CASQ2: variants seen among roughly 807,000 people sequenced by gnomAD.
CASQ2 encodes the protein calsequestrin 2.
A neutral mutation model predicts 46.5 loss-of-function variants in CASQ2; 49 were observed. The observed-to-expected ratio is 1.05, with a 90% CI of 0.84 to 1.34. The LOEUF is 1.34. CASQ2 is among the 40% of genes most tolerant of loss of function. The pLI is 0.00. For missense variants in CASQ2, 486 were observed against 481.3 expected (o/e 1.01, Z -0.09); for synonymous variants, 174 against 168.5 (o/e 1.03, Z -0.25).
chr1:115,748,813 G>C (rs1648477162), intron 1 of CASQ2, among the ~76,000 whole-genome samples: 1 of 152,126 alleles, frequency 6.6e-6, no homozygotes, highest in Admixed American at 6.5e-5. Flanking sequence ...AGTCAGTAAT[G>C]ATGGTACCTA....
chr1:115,701,562 G>A, intron 10 of CASQ2, 136 bp from the exon 11 acceptor site: 1 of 713,144 alleles, frequency 1.4e-6, no homozygotes, highest in South Asian at 1.5e-5. Flanking sequence ...ATTGTTAAAT[G>A]GAAATGCCAA....
intron 2 of CASQ2, among the ~76,000 whole-genome samples, chr1:115,741,511 T>C (rs1309009295): frequency 4.6e-5 from 7 of 152,212 alleles, no homozygotes; most frequent in Admixed American, 1.3e-4. Flanking sequence ...GTCTTCACTA[T>C]CAAAGTGAGT....
intron 8 of CASQ2, among the ~76,000 whole-genome samples, chr1:115,706,954 A>G (rs1217863196): frequency 1.3e-5 from 2 of 152,126 alleles, no homozygotes; most frequent in South Asian, 2.1e-4. Flanking sequence ...CACTGTTGCT[A>G]GCTCACACTG....
chr1:115,703,365 G>C (rs1654269986), intron 9 of CASQ2, among the ~76,000 whole-genome samples: 1 of 152,136 alleles, frequency 6.6e-6, no homozygotes, highest in Non-Finnish European at 1.5e-5. Context: ...TGAGATAGCT[G>C]GGAAAGCCAT....
At chr1:115,727,166 C>T in intron 5 of CASQ2, 44 bp from the exon 6 acceptor site, 1 of 1,420,462 alleles carries the variant, frequency 7.0e-7, no homozygotes, top group African/African-American at 1.4e-5. Context: ...GAATACTAGT[C>T]TAGAATAGCA....
At chr1:115,738,699 C>A (rs1167682943) in intron 3 of CASQ2, among the ~76,000 whole-genome samples, 2 of 152,126 alleles carry the variant, frequency 1.3e-5, no homozygotes, top group African/African-American at 4.8e-5. Flanking sequence ...TCCATCACCT[C>A]AAATATTCAT....
chr1:115,763,957 A>G (rs966985128), intron 1 of CASQ2, among the ~76,000 whole-genome samples: 5 of 152,128 alleles, frequency 3.3e-5, no homozygotes, highest in Non-Finnish European at 5.9e-5. Flanking sequence ...TGTAATGCTA[A>G]TGGAAGTTGG....
At chr1:115,754,838 G>T (rs997092833) in intron 1 of CASQ2, among the ~76,000 whole-genome samples, 7 of 152,206 alleles carry the variant, frequency 4.6e-5, no homozygotes, top group African/African-American at 1.7e-4. Flanking sequence ...CGTAGTGAAA[G>T]TTCCCTACCA....
chr1:115,707,411 T>C (rs1283550430), intron 8 of CASQ2, among the ~76,000 whole-genome samples: 2 of 152,128 alleles, frequency 1.3e-5, no homozygotes, highest in Non-Finnish European at 2.9e-5. Flanking sequence ...CTCATAACCA[T>C]ATTGCAAATG....
At chr1:115,719,787 C>T (rs998414779) in intron 7 of CASQ2, among the ~76,000 whole-genome samples, 14 of 152,084 alleles carry the variant, frequency 9.2e-5, no homozygotes, top group African/African-American at 3.1e-4. Flanking sequence ...GGGCTGAGAA[C>T]CCCCGGGGCT....
chr1:115,708,012 T>C (rs1654414340), intron 8 of CASQ2, among the ~76,000 whole-genome samples: 1 of 152,172 alleles, frequency 6.6e-6, no homozygotes, highest in African/African-American at 2.4e-5. Context: ...TGTTTTCTTA[T>C]GGGAAAAACT....
intron 2 of CASQ2, among the ~76,000 whole-genome samples, chr1:115,744,328 C>G (rs1049683216): frequency 2.6e-5 from 4 of 152,160 alleles, no homozygotes; most frequent in African/African-American, 9.7e-5. Flanking sequence ...GTCCTCCCCT[C>G]TCATCCTTGG....
At chr1:115,765,294 T>C (rs1649099960) in intron 1 of CASQ2, among the ~76,000 whole-genome samples, 1 of 152,200 alleles carries the variant, frequency 6.6e-6, no homozygotes, top group African/African-American at 2.4e-5. Flanking sequence ...TTGAATGGTA[T>C]TTCAAGTGCC....
intron 7 of CASQ2, among the ~76,000 whole-genome samples, chr1:115,725,276 C>T (rs1035912528): frequency 6.6e-6 from 1 of 152,022 alleles, no homozygotes; most frequent in Non-Finnish European, 1.5e-5. Context: ...CTATGTTGCC[C>T]AGGCTGCTCT....
intron 4 of CASQ2, among the ~76,000 whole-genome samples, chr1:115,734,684 G>A (rs1052446522): frequency 6.6e-6 from 1 of 152,182 alleles, no homozygotes; most frequent in African/African-American, 2.4e-5. Flanking sequence ...TCTGGAATAG[G>A]CTCCTGAACA....
intron 1 of CASQ2, among the ~76,000 whole-genome samples, chr1:115,754,533 C>T (rs920609823): frequency 1.3e-5 from 2 of 152,156 alleles, no homozygotes; most frequent in African/African-American, 4.8e-5. Flanking sequence ...CTACAAAACC[C>T]TCATGAGGTA....
rs745879915 is a variant in CASQ2 at position 115,732,966 on chromosome 1, C to T, written c.541G>A (p.Ala181Thr). The T allele has an allele frequency of 5.6e-6, 9 of 1,612,454 alleles. No individual in the cohort carries two copies. Among genetic ancestry groups the T allele is most frequent in the Non-Finnish European group, 6.8e-6 (8 of 1,178,822 alleles). The change falls in exon 5 of 11, where the codon GCT becomes ACT. Residue 181 changes from alanine (A) to threonine (T), a missense_variant. Transcript: ENST00000261448. ...FKSEDSEYYK[A>T]FEEAAEHFQP... ...AAGTGTTCAGCTGCTTCTTCAAAAG[C>T]CTTGTAGTCTAAGGGGAAAAATAAA... is the stretch of plus-strand genomic sequence containing the variant.
At chr1:115,754,801 C>T (rs1262374106) in intron 1 of CASQ2, among the ~76,000 whole-genome samples, 1 of 152,348 alleles carries the variant, frequency 6.6e-6, no homozygotes, top group African/African-American at 2.4e-5. Context: ...GAGATCCAAT[C>T]TCACAGGAGT....
At chr1:115,737,938 G>A (rs1422876192) in intron 4 of CASQ2, among the ~76,000 whole-genome samples, 3 of 152,220 alleles carry the variant, frequency 2.0e-5, no homozygotes, top group African/African-American at 7.2e-5. Context: ...ACTGGGAGGT[G>A]GGTAGGCAGG....
Sources: gnomAD v4.1 joint callset for allele counts (sites outside exome capture counted in the v4.1 genomes callset) on GRCh38, gnomAD v4.1.1 for gene constraint, MANE v1.5 for transcripts, NCBI Gene and HGNC (gene_info 2026-07-23, HGNC 2026-07-21) for gene names.